HDX: variants seen among roughly 807,000 people sequenced by gnomAD.
HDX encodes chromosome X open reading frame 43.
A neutral mutation model predicts 45.2 loss-of-function variants in HDX; 19 were observed. The ratio of observed to expected loss-of-function variants is 0.42; its 90% CI spans 0.29 to 0.62. The LOEUF is 0.62. Among genes scored for constraint, HDX ranks in the 20% least tolerant of loss-of-function variants. The probability of loss-of-function intolerance (pLI) is 0.20; values close to 1 mark genes in which losing one functional copy is unlikely to be tolerated. For missense variants in HDX, 532 were observed against 493.9 expected (o/e 1.08, Z -0.73); for synonymous variants, 188 against 172.8 (o/e 1.09, Z -0.69).
In HDX at chrX:84,469,670, G is replaced by A. The variant is rs983654153; in HGVS notation, c.148-95C>T. The A allele has an allele frequency of 1.3e-5, 9 of 708,932 alleles. No homozygotes were observed. The African/African-American group carries it at 1.8e-4, about 14-fold the overall frequency. 58.4% of individuals were successfully genotyped at this position (708,932 alleles called of 1,213,427 possible). A position where few individuals can be genotyped will look rare whatever the true frequency, so the allele number is the denominator to read the frequency against. On this transcript the variant is annotated intron_variant, in intron 3 of 10. Coordinates refer to ENST00000373177, the MANE Select transcript of HDX (RefSeq NM_001177479.2). ...GGTACATTATATTTTCATTTGTCTT[G>A]GAACCAAGGTGTACATAAAGGTAAA...
chrX:84,473,589 C>G (rs920858623), intron 3 of HDX, among the ~76,000 whole-genome samples: 1 of 111,039 alleles, frequency 9.0e-6, no homozygotes, highest in African/African-American at 3.3e-5. Context: ...TTTAGATTTT[C>G]ACACCATTTT....
chrX:84,413,583 C>CT (rs758925769), intron 5 of HDX, among the ~76,000 whole-genome samples: 1 of 111,700 alleles, frequency 9.0e-6, no homozygotes, highest in Admixed American at 9.5e-5. Context: ...GGGCAAAGCA[C>CT]TTTGTAAGGG....
At chrX:84,450,665 G>A (rs2039978065) in intron 4 of HDX, among the ~76,000 whole-genome samples, 1 of 112,097 alleles carries the variant, frequency 8.9e-6, no homozygotes, top group East Asian at 2.8e-4. Flanking sequence ...AAGAAATACT[G>A]TATTTAAACC....
At position 84,321,752 on chromosome X, in the gene HDX, A is replaced by G. The variant is rs769357208; in HGVS notation, c.*137T>C. On this transcript the variant is annotated 3_prime_UTR_variant, in exon 11 of 11. Transcript: ENST00000373177. ...GCACTGTAGCCATTATATCTTGTAC[A>G]TTCTTCACAGAATACGTCCGTTTCA... is the stretch of plus-strand genomic sequence containing the variant. 4 of 425,326 alleles carry G rather than the reference A, an allele frequency of 9.4e-6. No homozygotes were observed. The highest frequency in any genetic ancestry group is 7.7e-5 in the African/African-American group (3 of 38,990). 35.1% of individuals were successfully genotyped at this position (425,326 alleles called of 1,213,427 possible).
intron 5 of HDX, among the ~76,000 whole-genome samples, chrX:84,413,136 T>G (rs2039025838): frequency 9.0e-6 from 1 of 111,722 alleles, no homozygotes. Flanking sequence ...ATATTCTGAA[T>G]TTGATGCCTG....
At chrX:84,360,477 C>A (rs1369008536) in intron 6 of HDX, among the ~76,000 whole-genome samples, 3 of 111,643 alleles carry the variant, frequency 2.7e-5, no homozygotes, top group Non-Finnish European at 5.6e-5. Context: ...ATGTTTTCAA[C>A]ATATTCACAG....
rs187503410 is a variant in HDX at position 84,319,784 on chromosome X, A to C, written c.*2105T>G. 2.6e-3 allele frequency: 286 copies of C among 111,469 alleles called. 2 individuals are homozygous for C. Among genetic ancestry groups the C allele is most frequent in the African/African-American group, 8.9e-3 (276 of 30,880 alleles). 9.2% of individuals were successfully genotyped at this position (111,469 alleles called of 1,213,427 possible). On this transcript the variant is annotated 3_prime_UTR_variant, in exon 11 of 11. Transcript: ENST00000373177. Reference sequence around the variant, plus strand: ...TTATTAATATCATAGAAGATGTTAAAAAGAAATAATTATTTGTGATGTTTA... The same window carrying C: ...TTATTAATATCATAGAAGATGTTAACAAGAAATAATTATTTGTGATGTTTA...
At chrX:84,324,953 A>G (rs2036677346) in intron 10 of HDX, among the ~76,000 whole-genome samples, 1 of 111,517 alleles carries the variant, frequency 9.0e-6, no homozygotes, top group South Asian at 3.7e-4. Flanking sequence ...TCTAAAAAAT[A>G]AACACATTTT....
At chrX:84,356,087 TA>T (rs995890696) in intron 6 of HDX, among the ~76,000 whole-genome samples, 4 of 109,553 alleles carry the variant, frequency 3.7e-5, no homozygotes, top group East Asian at 2.9e-4. Flanking sequence ...TACAAGACAT[TA>T]AAAAAAAATC....
At chrX:84,405,188 G>T (rs1042358802) in intron 5 of HDX, among the ~76,000 whole-genome samples, 3 of 110,032 alleles carry the variant, frequency 2.7e-5, no homozygotes, top group Admixed American at 2.0e-4. Context: ...ATCCTTCATA[G>T]AGAAGTTCCA....
chrX:84,322,641 G>C (rs2036621446), intron 10 of HDX, among the ~76,000 whole-genome samples: 2 of 110,759 alleles, frequency 1.8e-5, no homozygotes, highest in South Asian at 3.8e-4. Context: ...GATGTATCTG[G>C]AGGGCTACTC....
At chrX:84,464,413 T>A (rs1320409404) in intron 4 of HDX, among the ~76,000 whole-genome samples, 2 of 111,475 alleles carry the variant, frequency 1.8e-5, no homozygotes, top group African/African-American at 6.5e-5. Context: ...TCACACTACC[T>A]GACTTCAAAC....
At chrX:84,400,844 C>T (rs1165889829) in intron 5 of HDX, among the ~76,000 whole-genome samples, 2 of 110,877 alleles carry the variant, frequency 1.8e-5, no homozygotes, top group African/African-American at 6.6e-5. Flanking sequence ...AGTACTAGTA[C>T]CAAAAGAGAC....
At chrX:84,450,038 T>C (rs1346511647) in intron 4 of HDX, among the ~76,000 whole-genome samples, 10 of 110,232 alleles carry the variant, frequency 9.1e-5, no homozygotes, top group Non-Finnish European at 1.5e-4. Flanking sequence ...CACACCAACA[T>C]GGCACATGTA....
chrX:84,323,062 G>T (rs2036630616), intron 10 of HDX, among the ~76,000 whole-genome samples: 1 of 110,983 alleles, frequency 9.0e-6, no homozygotes, highest in African/African-American at 3.3e-5. Context: ...ATTAAAATAA[G>T]TGGCAGCTGC....
rs753915869 is a variant in HDX, at chrX:84,368,723, C to G, written c.1306-7111G>C. On this transcript the variant is annotated intron_variant, in intron 5 of 10. Coordinates refer to ENST00000373177, the MANE Select transcript of HDX (RefSeq NM_001177479.2). ...ACCCATCTCTAGAACTTTTTCATAT[C>G]CATTAAACCAGCAGTCCCCAACATT... is the stretch of plus-strand genomic sequence containing the variant. 1.7e-4 allele frequency among the ~76,000 whole-genome samples: 19 copies of G among 111,664 alleles called. No homozygotes were observed. In the East Asian group the frequency reaches 4.8e-3, roughly 28 times the overall value.
intron 5 of HDX, among the ~76,000 whole-genome samples, chrX:84,367,834 C>A (rs968239817): frequency 1.8e-5 from 2 of 111,341 alleles, no homozygotes; most frequent in Admixed American, 1.9e-4. Flanking sequence ...GGGAACATCA[C>A]ACCACTGAGG....
intron 1 of HDX, among the ~76,000 whole-genome samples, chrX:84,491,391 T>TA (rs995544588): frequency 8.9e-6 from 1 of 112,187 alleles, no homozygotes; most frequent in African/African-American, 3.2e-5. Context: ...GTGGATCTTT[T>TA]AAAAAAATCT....
intron 5 of HDX, among the ~76,000 whole-genome samples, chrX:84,427,335 C>T (rs1280281965): frequency 9.0e-6 from 1 of 110,753 alleles, no homozygotes; most frequent in Non-Finnish European, 1.9e-5. Flanking sequence ...CAATAAATTG[C>T]ATATATTTAA....
Sources: allele counts gnomAD v4.1 joint callset (sites outside exome capture counted in the v4.1 genomes callset), GRCh38; gene constraint gnomAD v4.1.1; transcripts MANE v1.5; gene names NCBI Gene and HGNC (gene_info 2026-07-23, HGNC 2026-07-21).